MAPK10: variants seen among roughly 807,000 people sequenced by gnomAD.
MAPK10 encodes the protein JNK3 alpha protein kinase.
A neutral mutation model predicts 59.3 loss-of-function variants in MAPK10; 25 were observed. That is an observed-to-expected ratio of 0.42 (90% confidence interval 0.31 to 0.59). MAPK10 has a LOEUF of 0.59. MAPK10 is among the 20% of genes least tolerant of loss of function. The pLI is 0.15. For missense variants in MAPK10, 351 were observed against 568.9 expected (o/e 0.62, Z 3.90); for synonymous variants, 190 against 200.5 (o/e 0.95, Z 0.44).
At chr4:86,090,090 C>A (rs951887319) in intron 9 of MAPK10, among the ~76,000 whole-genome samples, 1 of 152,066 alleles carries the variant, frequency 6.6e-6, no homozygotes, top group African/African-American at 2.4e-5. Context: ...CAGGGCAGAG[C>A]GCACAGAGGG....
intron 2 of MAPK10, among the ~76,000 whole-genome samples, chr4:86,290,131 G>C (rs1045437879): frequency 1.3e-5 from 2 of 152,134 alleles, no homozygotes; most frequent in Non-Finnish European, 2.9e-5. Context: ...GCTGAACAGG[G>C]AGGAGAGTGA....
intron 1 of MAPK10, among the ~76,000 whole-genome samples, chr4:86,581,928 TATATATA>T (rs1425653161): frequency 1.5e-5 from 2 of 131,772 alleles, no homozygotes; most frequent in Admixed American, 1.6e-4. Context: ...TATATATATA[TATATATA>T]TATATATATA....
intron 1 of MAPK10, among the ~76,000 whole-genome samples, chr4:86,553,088 T>C (rs1759984804): frequency 1.3e-5 from 2 of 152,186 alleles, no homozygotes; most frequent in African/African-American, 2.4e-5. Flanking sequence ...AAAAATAGGA[T>C]GCTGACAGAC....
At chr4:86,351,396 AACACACACACAC>A (rs142964843) in intron 2 of MAPK10, among the ~76,000 whole-genome samples, 1 of 132,456 alleles carries the variant, frequency 7.5e-6, no homozygotes, top group Non-Finnish European at 1.6e-5. Flanking sequence ...TGTATACACA[AACACACACACAC>A]ACACACACAC....
intron 1 of MAPK10, among the ~76,000 whole-genome samples, chr4:86,462,329 A>G (rs908850239): frequency 1.3e-5 from 2 of 152,218 alleles, no homozygotes; most frequent in Non-Finnish European, 2.9e-5. Context: ...CGTTCCCTGG[A>G]AAACAGAGCC....
intron 2 of MAPK10, among the ~76,000 whole-genome samples, chr4:86,228,880 T>C (rs1020288477): frequency 2.0e-5 from 3 of 152,204 alleles, no homozygotes; most frequent in Non-Finnish European, 4.4e-5. Context: ...ACAATGACTA[T>C]AAAATATAGT....
intron 3 of MAPK10, among the ~76,000 whole-genome samples, chr4:86,188,321 C>T (rs879728856): frequency 6.6e-6 from 1 of 152,164 alleles, no homozygotes; most frequent in Admixed American, 6.5e-5. Context: ...GGAATCACCA[C>T]ACTGTCTTCC....
intron 1 of MAPK10, among the ~76,000 whole-genome samples, chr4:86,458,585 A>G (rs1239590656): frequency 6.6e-6 from 1 of 152,250 alleles, no homozygotes; most frequent in Non-Finnish European, 1.5e-5. Context: ...GACCAATGTA[A>G]TAGAATAGAA....
At chr4:86,462,576 C>T (rs769305697) in intron 1 of MAPK10, among the ~76,000 whole-genome samples, 14 of 152,140 alleles carry the variant, frequency 9.2e-5, no homozygotes, top group Non-Finnish European at 1.3e-4. Flanking sequence ...CAGCCGTCCA[C>T]GTGGCCAATT....
chr4:86,046,907 C>A (rs1312388631), intron 11 of MAPK10, among the ~76,000 whole-genome samples: 1 of 151,988 alleles, frequency 6.6e-6, no homozygotes, highest in East Asian at 1.9e-4. Context: ...TCTCTTTTTA[C>A]GCATCTTAAA....
At chr4:86,590,548 C>A (rs1762961574) in intron 1 of MAPK10, among the ~76,000 whole-genome samples, 3 of 152,066 alleles carry the variant, frequency 2.0e-5, no homozygotes, top group South Asian at 4.2e-4. Context: ...ATTTGGGAGG[C>A]CAAGGAGGGA....
At chr4:86,276,764 ATCTGGTTCTATCATTG>A (rs1471518796) in intron 2 of MAPK10, among the ~76,000 whole-genome samples, 29 of 152,102 alleles carry the variant, frequency 1.9e-4, no homozygotes, top group Non-Finnish European at 1.0e-4. Flanking sequence ...TTCTATCATT[ATCTGGTTCTATCATTG>A]TCTGGTTCTA....
intron 2 of MAPK10, among the ~76,000 whole-genome samples, chr4:86,273,635 T>C (rs1224000667): frequency 6.6e-6 from 1 of 152,036 alleles, no homozygotes; most frequent in African/African-American, 2.4e-5. Flanking sequence ...ACAGCCTTAC[T>C]GATTAAATTC....
chr4:86,414,252 A>T (rs1242854691), intron 1 of MAPK10, among the ~76,000 whole-genome samples: 4 of 152,070 alleles, frequency 2.6e-5, no homozygotes, highest in Non-Finnish European at 5.9e-5. Context: ...CTCATCCATG[A>T]TATAACATCC....
At chr4:86,087,744 G>T (rs1359606084) in intron 9 of MAPK10, among the ~76,000 whole-genome samples, 1 of 151,888 alleles carries the variant, frequency 6.6e-6, no homozygotes, top group East Asian at 1.9e-4. Flanking sequence ...GCCATTTCCA[G>T]AACTTTTTCT....
chr4:86,267,130 GA>G (rs2094274873), intron 2 of MAPK10, among the ~76,000 whole-genome samples: 2 of 151,892 alleles, frequency 1.3e-5, no homozygotes, highest in Admixed American at 1.3e-4. Context: ...ATTTGAAAAT[GA>G]ATTAATGGCT....
chr4:86,110,868 G>A (rs1019922693), intron 4 of MAPK10, among the ~76,000 whole-genome samples: 2 of 152,126 alleles, frequency 1.3e-5, no homozygotes, highest in Admixed American at 6.5e-5. Context: ...CCATGAGCAC[G>A]GAATGTTTTT....
intron 13 of MAPK10, among the ~76,000 whole-genome samples, chr4:86,021,376 A>G (rs150200322): frequency 0.011 from 1,615 of 148,944 alleles, 21 homozygotes; most frequent in Non-Finnish European, 0.016. Context: ...TGAGCTAGAC[A>G]TAAAGGTTCT....
In MAPK10 at chr4:86,462,082, CCGCCACAG is replaced by C. The variant is rs200695601; in HGVS notation, c.-262-107446_-262-107439del. On this transcript the variant is annotated intron_variant, in intron 1 of 4. Coordinates refer to the MAPK10 transcript ENST00000502302. ...CTCACCCCTATACAATATTTGTCCC[CCGCCACAG>C]CGCCACAGCCAGTAGTACTGCAGTA... Among the ~76,000 whole-genome samples, 484 of 152,330 alleles carry C rather than the reference CCGCCACAG, an allele frequency of 3.2e-3. 4 individuals are homozygous for C. Among genetic ancestry groups the C allele is most frequent in the African/African-American group, 9.8e-3 (408 of 41,576 alleles).
Sources: gnomAD v4.1 joint callset for allele counts (sites outside exome capture counted in the v4.1 genomes callset) on GRCh38, gnomAD v4.1.1 for gene constraint, MANE v1.5 for transcripts, NCBI Gene and HGNC (gene_info 2026-07-23, HGNC 2026-07-21) for gene names.